PLD1: variants seen among roughly 807,000 people sequenced by gnomAD.
PLD1 encodes phospholipase D1.
Under a neutral mutation model 137.1 loss-of-function variants are expected in PLD1, and 112 were observed. That is an observed-to-expected ratio of 0.82 (90% CI 0.70 to 0.96). The LOEUF is 0.96. PLD1 is among the 40% of genes least tolerant of loss of function. The probability of loss-of-function intolerance (pLI) is 0.00; values close to 1 mark genes in which losing one functional copy is unlikely to be tolerated. For missense variants in PLD1, 1,321 were observed against 1,342.0 expected, an observed-to-expected ratio of 0.98 and a Z score of 0.24; for synonymous variants, 431 against 454.7, an observed-to-expected ratio of 0.95 and a Z score of 0.66.
At chr3:171,728,519 A>T (rs1718704299) in intron 6 of PLD1, among the ~76,000 whole-genome samples, 1 of 152,228 alleles carries the variant, frequency 6.6e-6, no homozygotes, top group Non-Finnish European at 1.5e-5. Flanking sequence ...CATAACTTTT[A>T]TCTCTGGAGA....
intron 14 of PLD1, among the ~76,000 whole-genome samples, 172 bp downstream of exon 14, chr3:171,688,504 G>A (rs1714796932): frequency 6.6e-6 from 1 of 152,168 alleles, no homozygotes. Context: ...CTAGCTAGGT[G>A]GGGAAGCTGG....
chr3:171,674,531 T>C lies in PLD1; in HGVS notation c.2198A>G (p.Gln733Arg), dbSNP rs977368322. The stretch of plus-strand genomic sequence containing the variant: ...GTTAGCATGGACAGACCCAGGCACT[T>C]GATATCTCAACTCATGGGCTGTTGT... ...SQTTAHELRYQVPGSVHANVQ... is the reference protein window; with the variant it reads ...SQTTAHELRYRVPGSVHANVQ... Residue 733 changes from glutamine (Q) to arginine (R), a missense_variant, in exon 19 of 27, where the codon CAA becomes CGA. By Grantham distance (43) the Gln-to-Arg change is conservative. Transcript: ENST00000351298. 3.7e-6 allele frequency: 6 copies of C among 1,608,202 alleles called. No homozygotes were observed. Among genetic ancestry groups the C allele is most frequent in the Non-Finnish European group, 5.1e-6 (6 of 1,174,918 alleles).
At chr3:171,604,004 A>C (rs1410674299) in intron 26 of PLD1, among the ~76,000 whole-genome samples, 2 of 152,170 alleles carry the variant, frequency 1.3e-5, no homozygotes, top group African/African-American at 2.4e-5. Context: ...CACATGACCT[A>C]TTTGATCATG....
intron 1 of PLD1, chr3:171,765,533 T>C (rs1010011762): frequency 3.9e-5 from 6 of 152,160 alleles, no homozygotes; most frequent in Non-Finnish European, 2.9e-5. Flanking sequence ...TCATCATTAC[T>C]AAAGTGTGTG....
Position 171,801,792 on chromosome 3 carries a change from C to G in PLD1, c.-32+8607G>C, listed in dbSNP as rs116256481. Among the ~76,000 whole-genome samples the G allele has an allele frequency of 4.6e-3, 693 of 152,276 alleles. 10 individuals carry two copies. Among genetic ancestry groups the G allele is most frequent in the African/African-American group, 0.016 (660 of 41,554 alleles). On this transcript the variant is annotated intron_variant, in intron 1 of 26. Coordinates refer to ENST00000351298, the MANE Select transcript of PLD1 (RefSeq NM_002662.5). ...TAGTCCCCATGACACTACCAAAAACCACCCCGGTAGAACTCAAAAAAGGTA... is the reference window on the plus strand; with the variant it reads ...TAGTCCCCATGACACTACCAAAAACGACCCCGGTAGAACTCAAAAAAGGTA...
intron 9 of PLD1, among the ~76,000 whole-genome samples, chr3:171,712,069 A>G (rs1185726897): frequency 2.0e-5 from 3 of 152,186 alleles, no homozygotes; most frequent in Non-Finnish European, 4.4e-5. Context: ...GATCCTGATG[A>G]GACGCAGGGA....
In PLD1 at chr3:171,686,747, G is replaced by A; in HGVS notation, c.1805C>T (p.Pro602Leu). 6.2e-7 allele frequency: 1 copy of A among 1,608,466 alleles called. No individual in the cohort carries two copies. ...GGACGGGTGAAAGAGTTTGAAGTGG[G>A]GTTTTAAACCATGGATTAAATTGTG... ...SHHNLIHGLK[P>L]HFKLFHPSSE... The change falls in exon 16 of 27, where the codon CCC becomes CTC. Residue 602 changes from proline (P) to leucine (L), a missense_variant. Coordinates refer to ENST00000351298, the MANE Select transcript of PLD1 (RefSeq NM_002662.5).
intron 23 of PLD1, among the ~76,000 whole-genome samples, chr3:171,639,848 C>CTCTCTATATATA (rs3050415): frequency 1.1e-3 from 123 of 110,168 alleles, no homozygotes; most frequent in African/African-American, 4.0e-3. Context: ...CTCTCTCTCT[C>CTCTCTATATATA]TATATATATA....
At chr3:171,657,633 T>C (rs1043187757) in intron 21 of PLD1, among the ~76,000 whole-genome samples, 6 of 151,990 alleles carry the variant, frequency 3.9e-5, no homozygotes, top group African/African-American at 7.2e-5. Flanking sequence ...ACCCCATATA[T>C]AAAAAGTAAC....
intron 1 of PLD1, among the ~76,000 whole-genome samples, chr3:171,802,367 T>C (rs1723682042): frequency 6.6e-6 from 1 of 152,142 alleles, no homozygotes; most frequent in African/African-American, 2.4e-5. Flanking sequence ...AGCAATGCAA[T>C]GTGGACTGTG....
intron 4 of PLD1, among the ~76,000 whole-genome samples, 162 bp downstream of exon 4, chr3:171,735,330 C>A (rs1195240981): frequency 6.6e-6 from 1 of 152,132 alleles, no homozygotes; most frequent in African/African-American, 2.4e-5. Context: ...GGGAGGAGGT[C>A]TTGCTACGTT....
At chr3:171,625,027 G>A (rs1733964289) in intron 23 of PLD1, among the ~76,000 whole-genome samples, 2 of 151,818 alleles carry the variant, frequency 1.3e-5, no homozygotes, top group Non-Finnish European at 2.9e-5. Context: ...TGGAAGCATA[G>A]TTCATGCATT....
chr3:171,633,086 C>T (rs773059670), intron 23 of PLD1, among the ~76,000 whole-genome samples: 1 of 152,054 alleles, frequency 6.6e-6, no homozygotes, highest in Non-Finnish European at 1.5e-5. Flanking sequence ...TGGACAAATG[C>T]GAGTGTGGCC....
intron 8 of PLD1, chr3:171,721,446 AT>A (rs1718122597): frequency 6.6e-6 from 1 of 152,290 alleles, no homozygotes; most frequent in Non-Finnish European, 1.5e-5. Flanking sequence ...ACTGAGGAGG[AT>A]GGGGCTGGAC....
intron 1 of PLD1, among the ~76,000 whole-genome samples, chr3:171,767,280 T>C (rs1157583382): frequency 1.3e-5 from 2 of 152,218 alleles, no homozygotes; most frequent in Non-Finnish European, 2.9e-5. Flanking sequence ...TTACGGGCCA[T>C]GGGCAACCTC....
At chr3:171,807,760 CA>C (rs1025793767) in intron 1 of PLD1, among the ~76,000 whole-genome samples, 1 of 152,174 alleles carries the variant, frequency 6.6e-6, no homozygotes, top group Non-Finnish European at 1.5e-5. Context: ...CTACCAAAAA[CA>C]CACACAAATT....
At chr3:171,700,545 C>T (rs561690075) in intron 11 of PLD1, among the ~76,000 whole-genome samples, 1 of 152,298 alleles carries the variant, frequency 6.6e-6, no homozygotes, top group South Asian at 2.1e-4. Flanking sequence ...CTCTGCCAAC[C>T]TCAGGATTGC....
At chr3:171,667,225 G>A (rs1030091401) in intron 19 of PLD1, among the ~76,000 whole-genome samples, 2 of 152,122 alleles carry the variant, frequency 1.3e-5, no homozygotes, top group African/African-American at 4.8e-5. Context: ...GTATGCATTG[G>A]GGAGAGAAGG....
At chr3:171,767,732 G>A (rs1722073202) in intron 1 of PLD1, among the ~76,000 whole-genome samples, 1 of 152,166 alleles carries the variant, frequency 6.6e-6, no homozygotes, top group Non-Finnish European at 1.5e-5. Context: ...GTTGTTGTGA[G>A]GATTAAGGAA....
Sources: allele counts gnomAD v4.1 joint callset (sites outside exome capture counted in the v4.1 genomes callset), GRCh38; gene constraint gnomAD v4.1.1; transcripts MANE v1.5; gene names NCBI Gene and HGNC (gene_info 2026-07-23, HGNC 2026-07-21).